Variants in CHRM3 observed in about 807,000 individuals in gnomAD.
The protein encoded by CHRM3 is cholinergic receptor muscarinic 3.
A neutral mutation model predicts 41.8 loss-of-function variants in CHRM3; 11 were observed. The ratio of observed to expected loss-of-function variants is 0.26; its 90% CI spans 0.17 to 0.44. CHRM3 has a LOEUF of 0.44. CHRM3 is among the 20% of genes least tolerant of loss of function. The pLI is 1.00. For synonymous variants in CHRM3, 297 were observed against 301.4 expected (o/e 0.99, Z 0.15); for missense variants, 571 against 745.4 (o/e 0.77, Z 2.72).
At chr1:239,705,952 A>C (rs571278183) in intron 5 of CHRM3, among the ~76,000 whole-genome samples, 3 of 151,948 alleles carry the variant, frequency 2.0e-5, no homozygotes, top group East Asian at 1.9e-4. Context: ...AGATGAGATT[A>C]AAAATAAAAG....
intron 5 of CHRM3, among the ~76,000 whole-genome samples, chr1:239,697,480 C>A (rs567578878): frequency 6.6e-6 from 1 of 152,184 alleles, no homozygotes; most frequent in East Asian, 1.9e-4. Context: ...CAAATAAAAT[C>A]ACCATTTAGC....
intron 6 of CHRM3, among the ~76,000 whole-genome samples, chr1:239,866,301 C>A (rs1676097056): frequency 6.6e-6 from 1 of 151,872 alleles, no homozygotes; most frequent in Non-Finnish European, 1.5e-5. Flanking sequence ...GGCGTGAACC[C>A]GGGAGGCGGA....
chr1:239,395,784 G>A (rs1271444924), intron 1 of CHRM3, among the ~76,000 whole-genome samples: 1 of 152,282 alleles, frequency 6.6e-6, no homozygotes, highest in East Asian at 1.9e-4. Flanking sequence ...CTTCCCAGAT[G>A]ATCTCATTGA....
At chr1:239,539,334 C>G (rs1403814352) in intron 2 of CHRM3, among the ~76,000 whole-genome samples, 2 of 152,142 alleles carry the variant, frequency 1.3e-5, no homozygotes, top group East Asian at 3.9e-4. Context: ...TAGAACTCCC[C>G]TAAGATGAAA....
intron 1 of CHRM3, among the ~76,000 whole-genome samples, chr1:239,404,370 AAGAAAGAAAG>A (rs1660285303): frequency 1.5e-5 from 1 of 65,554 alleles, no homozygotes. Flanking sequence ...GAAAGAAAGA[AAGAAAGAAAG>A]AAAGAAAGAA....
rs575963836 is a variant in CHRM3 at position 239,814,867 on chromosome 1, C to G, written c.-146-12385C>G. Among the ~76,000 whole-genome samples, 9 of 152,296 alleles carry G rather than the reference C, an allele frequency of 5.9e-5. No homozygotes were observed. The South Asian group carries it at 1.7e-3, about 28-fold the overall frequency. Reference sequence around the variant, plus strand: ...ATGCAGTCTCGGCTCACGGCAACCTCTTGCCTCCCTTCAAGCGATTCTCCT... The same window carrying G: ...ATGCAGTCTCGGCTCACGGCAACCTGTTGCCTCCCTTCAAGCGATTCTCCT... On this transcript the variant is annotated intron_variant, in intron 5 of 6. Coordinates refer to ENST00000676153, the MANE Select transcript of CHRM3 (RefSeq NM_001375978.1).
At position 239,814,655 on chromosome 1, in the gene CHRM3, A is replaced by G. The variant is rs186267203; in HGVS notation, c.-146-12597A>G. ...TATGCACTAGTGAGAAAGATGGTCC[A>G]CACACAGAAGTCCTATAAATGATAG... On this transcript the variant is annotated intron_variant, in intron 5 of 6. Coordinates refer to ENST00000676153, the MANE Select transcript of CHRM3 (RefSeq NM_001375978.1). Among the ~76,000 whole-genome samples the G allele has an allele frequency of 2.5e-3, 380 of 152,324 alleles. 2 individuals carry two copies. Among genetic ancestry groups the G allele is most frequent in the Middle Eastern group, 6.8e-3 (2 of 294 alleles).
chr1:239,717,918 A>T (rs1177706732), intron 5 of CHRM3, among the ~76,000 whole-genome samples: 2 of 152,066 alleles, frequency 1.3e-5, no homozygotes, highest in Non-Finnish European at 2.9e-5. Flanking sequence ...GTGGCACAAG[A>T]TACAACAGGA....
chr1:239,856,457 T>A (rs958064343), intron 6 of CHRM3, among the ~76,000 whole-genome samples: 1 of 152,120 alleles, frequency 6.6e-6, no homozygotes, highest in Admixed American at 6.5e-5. Flanking sequence ...CTGCTGGCCA[T>A]GTGAATATGT....
chr1:239,571,979 A>G (rs1409434300), intron 3 of CHRM3, among the ~76,000 whole-genome samples: 1 of 152,136 alleles, frequency 6.6e-6, no homozygotes, highest in East Asian at 1.9e-4. Context: ...ACTACCATTT[A>G]ATTATAAAAC....
intron 6 of CHRM3, among the ~76,000 whole-genome samples, chr1:239,863,894 C>CAGCA (rs1225023623): frequency 1.3e-5 from 2 of 152,112 alleles, no homozygotes; most frequent in African/African-American, 4.8e-5. Context: ...CACGATGCAA[C>CAGCA]AGCACATTAG....
intron 3 of CHRM3, among the ~76,000 whole-genome samples, chr1:239,607,295 T>C (rs1336496482): frequency 2.6e-5 from 4 of 152,112 alleles, no homozygotes; most frequent in Admixed American, 6.6e-5. Flanking sequence ...AGTTAATACA[T>C]TTAAGGTGCT....
intron 3 of CHRM3, among the ~76,000 whole-genome samples, chr1:239,553,157 A>C (rs1660030426): frequency 6.6e-6 from 1 of 152,138 alleles, no homozygotes; most frequent in African/African-American, 2.4e-5. Flanking sequence ...TGATTTCCAA[A>C]GACTTTGTAA....
chr1:239,531,691 G>A (rs774181593), intron 2 of CHRM3, among the ~76,000 whole-genome samples: 2 of 109,844 alleles, frequency 1.8e-5, no homozygotes, highest in Non-Finnish European at 3.3e-5. Context: ...GCAGAGTCTC[G>A]CTCTGTCGCC....
At position 239,662,350 on chromosome 1, in the gene CHRM3, T is replaced by C. The variant is rs1283966713; in HGVS notation, c.-249-15836T>C. Among the ~76,000 whole-genome samples the C allele has an allele frequency of 6.6e-5, 10 of 152,228 alleles. No homozygotes were observed. In the East Asian group the frequency reaches 1.9e-3, roughly 29 times the overall value. ...CTGATTTTGAAATGACTGTACATGA[T>C]TGTAGTAGGAGACTTTATGAAAACC... On this transcript the variant is annotated intron_variant, in intron 4 of 6. Transcript: ENST00000676153.
At chr1:239,851,408 T>C (rs1166144638) in intron 6 of CHRM3, among the ~76,000 whole-genome samples, 1 of 152,204 alleles carries the variant, frequency 6.6e-6, no homozygotes, top group Non-Finnish European at 1.5e-5. Flanking sequence ...GCATTTTATT[T>C]TATCTTCCAA....
chr1:239,768,603 T>A (rs1487446952), intron 5 of CHRM3, among the ~76,000 whole-genome samples: 1 of 152,120 alleles, frequency 6.6e-6, no homozygotes, highest in African/African-American at 2.4e-5. Flanking sequence ...GAATTCTCCT[T>A]TTTTCCTTCA....
intron 1 of CHRM3, among the ~76,000 whole-genome samples, chr1:239,407,228 G>A (rs564587625): frequency 5.1e-4 from 78 of 152,042 alleles, no homozygotes; most frequent in African/African-American, 1.8e-3. Context: ...ATCAGGCTGC[G>A]TTTTGTGATC....
chr1:239,656,364 G>A (rs989837677), intron 4 of CHRM3, among the ~76,000 whole-genome samples: 1 of 151,420 alleles, frequency 6.6e-6, no homozygotes, highest in Admixed American at 6.6e-5. Flanking sequence ...GCTCATGCCT[G>A]CAATCCCAAC....
Sources: gnomAD v4.1 joint callset for allele counts (sites outside exome capture counted in the v4.1 genomes callset) on GRCh38, gnomAD v4.1.1 for gene constraint, MANE v1.5 for transcripts, NCBI Gene and HGNC (gene_info 2026-07-23, HGNC 2026-07-21) for gene names.